ZNF800: variants seen among roughly 807,000 people sequenced by gnomAD.
ZNF800 encodes the protein zinc finger protein 800.
A neutral mutation model predicts 59.5 loss-of-function variants in ZNF800; 13 were observed. That is an observed-to-expected ratio of 0.22 (90% confidence interval 0.14 to 0.35). The LOEUF (loss-of-function observed/expected upper bound fraction) is 0.35. Among genes scored for constraint, ZNF800 ranks in the 10% least tolerant of loss-of-function variants. ZNF800 has a pLI of 1.00. For missense variants in ZNF800, 621 were observed against 783.7 expected, an observed-to-expected ratio of 0.79 and a Z score of 2.48; for synonymous variants, 266 against 265.7, an observed-to-expected ratio of 1.00 and a Z score of -0.01.
At chr7:127,368,872 T>C (rs989683147), downstream of ZNF800, among the ~76,000 whole-genome samples, 3 of 152,034 alleles carry the variant, frequency 2.0e-5, no homozygotes, top group Non-Finnish European at 4.4e-5. Flanking sequence ...CTAAAAAATC[T>C]GAAGGTACAT....
At chr7:127,344,065 A>G (rs1800016310), downstream of ZNF800, among the ~76,000 whole-genome samples, 1 of 152,060 alleles carries the variant, frequency 6.6e-6, no homozygotes, top group East Asian at 1.9e-4. Flanking sequence ...ATAAGGGCAA[A>G]GTTATTACCA....
chr7:127,343,980 A>G (rs909707824), downstream of ZNF800, among the ~76,000 whole-genome samples: 7 of 152,044 alleles, frequency 4.6e-5, no homozygotes, highest in Non-Finnish European at 8.8e-5. Flanking sequence ...TTAACATGAT[A>G]AAGACCTGTA....
intron 1 of ZNF800, among the ~76,000 whole-genome samples, chr7:127,348,850 T>C (rs905060832): frequency 2.6e-5 from 4 of 152,248 alleles, no homozygotes; most frequent in Non-Finnish European, 5.9e-5. Context: ...TTCAAATTTA[T>C]GAAAATCTTT....
chr7:127,384,221 T>G (rs1801062580), intron 3 of ZNF800, among the ~76,000 whole-genome samples: 1 of 138,320 alleles, frequency 7.2e-6, no homozygotes, highest in Non-Finnish European at 1.5e-5. Context: ...TAACTAATTC[T>G]AACTTCTTTT....
In ZNF800 at chr7:127,373,546, C is replaced by G; in HGVS notation, c.1790G>C (p.Ser597Thr). The G allele has an allele frequency of 6.2e-7, 1 of 1,614,118 alleles. No homozygotes were observed. The highest frequency in any genetic ancestry group is 8.5e-7 in the Non-Finnish European group (1 of 1,180,022). The change falls in exon 5 of 6, where the codon AGT becomes ACT. Residue 597 changes from serine (S) to threonine (T), a missense_variant. By Grantham distance (58) the Ser-to-Thr change is moderately conservative. Around this residue, in one of 7 missense-constraint regions of ZNF800, gnomAD observed 94 missense variants for 108.5 expected, o/e 0.87. Coordinates refer to ENST00000265827, the MANE Select transcript of ZNF800 (RefSeq NM_176814.5). ...GACGTCAGCTACTTCATACTTTTTA[C>G]TAGGAGAGTTAGAAGTGCCATCATG... is the stretch of plus-strand genomic sequence containing the variant. ...SKHDGTSNSP[S>T]KKYEVADVGI...
downstream of ZNF800, chr7:127,370,001 A>G (rs1217339951): frequency 6.6e-6 from 1 of 152,142 alleles, no homozygotes; most frequent in African/African-American, 2.4e-5. Flanking sequence ...TATCTTTGGA[A>G]TATGTCTTGT....
chr7:127,383,822 C>T (rs1801047600), intron 3 of ZNF800, among the ~76,000 whole-genome samples: 1 of 152,150 alleles, frequency 6.6e-6, no homozygotes, highest in South Asian at 2.1e-4. Flanking sequence ...TCACCTCTAA[C>T]TTAAACTGTT....
intron 1 of ZNF800, chr7:127,361,346 G>A (rs931863201): frequency 2.0e-5 from 3 of 152,180 alleles, no homozygotes; most frequent in African/African-American, 2.4e-5. Flanking sequence ...GTGAAGCCAA[G>A]TCAGGAGGAT....
rs1465094765 is a variant in ZNF800, at chr7:127,374,755, G to T, written c.581C>A (p.Pro194His). Residue 194 changes from proline (P) to histidine (H), a missense_variant, in exon 5 of 6, where the codon CCT (proline) becomes CAT (histidine). By Grantham distance (77) the Pro-to-His change is moderately conservative (BLOSUM62 -2). This residue lies in a region of ZNF800 where 218 missense variants were observed against 230.8 expected (regional missense o/e 0.94). Coordinates refer to ENST00000265827, the MANE Select transcript of ZNF800 (RefSeq NM_176814.5). ...TDTEVETVEPPPVEIVTDEVA... is the reference protein window; with the variant it reads ...TDTEVETVEPHPVEIVTDEVA... ...TTCATCTGTAACAATCTCAACAGGA[G>T]GGGGCTCTACAGTTTCCACCTCTGT... is the stretch of plus-strand genomic sequence containing the variant. The T allele has an allele frequency of 6.2e-7, 1 of 1,613,956 alleles. No individual in the cohort carries two copies. Among genetic ancestry groups the T allele is most frequent in the Non-Finnish European group, 8.5e-7 (1 of 1,179,908 alleles).
In ZNF800 at chr7:127,358,930, C is replaced by CA. The variant is rs544138552; in HGVS notation, n.225-10888dup. On this transcript the variant is annotated intron_variant and non_coding_transcript_variant, in intron 1 of 1. Transcript: ENST00000485577. The stretch of plus-strand genomic sequence containing the variant: ...ACTTTTGATACTGAACAAGCTCTGC[C>CA]AAAAAAATTGTTTAATTTGCTTATT... Among the ~76,000 whole-genome samples, 207 of 152,052 alleles carry CA rather than the reference C, an allele frequency of 1.4e-3. 1 individual carries two copies. Among genetic ancestry groups the CA allele is most frequent in the African/African-American group, 4.5e-3 (185 of 41,492 alleles).
chr7:127,392,342 C>T lies in ZNF800; in HGVS notation c.-341G>A. The T allele has an allele frequency of 2.6e-6, 1 of 383,238 alleles. No homozygotes were observed. The highest frequency in any genetic ancestry group is 4.5e-5 in the Admixed American group (1 of 22,208). 23.7% of individuals were successfully genotyped at this position (383,238 alleles called of 1,614,324 possible). On this transcript the variant is annotated 5_prime_UTR_variant, in exon 1 of 6. Transcript: ENST00000265827. ...TGTGGCTAGGCGGGAGGCGCGCGGG[C>T]GGAGGCAGTTGACAGGAGGAACCGC...
chr7:127,372,581 A>C lies in ZNF800; in HGVS notation c.1994+761T>G. On this transcript the variant is annotated intron_variant, in intron 5 of 5. Transcript: ENST00000265827. ...AAAAAACAAATCCCTAGTTAATAAT[A>C]TTAACTATGTTAAAATGATCACCAA... is the stretch of plus-strand genomic sequence containing the variant. 3.1e-6 allele frequency: 3 copies of C among 973,828 alleles called. No homozygotes were observed. In the South Asian group the frequency reaches 1.4e-4, roughly 46 times the overall value. 60.3% of individuals were successfully genotyped at this position (973,828 alleles called of 1,614,324 possible). A position where few individuals can be genotyped will look rare whatever the true frequency, so the allele number is the denominator to read the frequency against.
chr7:127,391,417 AG>A, intron 2 of ZNF800, 79 bp downstream of exon 2: 1 of 1,356,508 alleles, frequency 7.4e-7, no homozygotes, highest in African/African-American at 1.4e-5. Context: ...CTGGGGCAGG[AG>A]GAAAAAAAGC....
intron 1 of ZNF800, chr7:127,361,033 A>C (rs6467122): frequency 0.67 from 102,099 of 151,984 alleles, 35,146 homozygotes; most frequent in East Asian, 0.88. Flanking sequence ...CAAGGACGGA[A>C]ACAGCCCTGC....
chr7:127,381,716 A>G lies in ZNF800; in HGVS notation c.157+4344T>C, dbSNP rs188435652. Among the ~76,000 whole-genome samples the G allele has an allele frequency of 2.6e-5, 4 of 152,164 alleles. No individual in the cohort carries two copies. In the East Asian group the frequency reaches 5.8e-4, roughly 22 times the overall value. ...TTTGAATATGAATGTAAGGAAAACA[A>G]ATCTACTTTTTTCTTATAAAAAAAA... On this transcript the variant is annotated intron_variant, in intron 3 of 5. Transcript: ENST00000265827.
chr7:127,374,723 G>C lies in ZNF800; in HGVS notation c.613C>G (p.Pro205Ala). ...PVEIVTDEVA[P>A]TSDEQPQESQ... ...TCCTGAGGTTGTTCATCAGATGTAG[G>C]TGCAACTTCATCTGTAACAATCTCA... The change falls in exon 5 of 6, where the codon CCT becomes GCT. Residue 205 changes from proline to alanine, a missense_variant. This residue lies in a region of ZNF800 where 218 missense variants were observed against 230.8 expected (regional missense o/e 0.94). Coordinates refer to ENST00000265827, the MANE Select transcript of ZNF800 (RefSeq NM_176814.5). 1.2e-6 allele frequency: 2 copies of C among 1,613,992 alleles called. No individual in the cohort carries two copies. Among genetic ancestry groups the C allele is most frequent in the Non-Finnish European group, 1.7e-6 (2 of 1,179,944 alleles).
At position 127,373,569 on chromosome 7, in the gene ZNF800, A is replaced by G. The variant is rs2117103393; in HGVS notation, c.1767T>C (p.His589=). Residue 589 remains histidine, a synonymous_variant, in exon 5 of 6, where the codon CAT becomes CAC. Coordinates refer to ENST00000265827, the MANE Select transcript of ZNF800 (RefSeq NM_176814.5). ...RDEAKHSDSK[H]DGTSNSPSKK... is the part of the protein sequence containing the mutation. ...TACTAGGAGAGTTAGAAGTGCCATC[A>G]TGTTTTGAATCACTATGTTTTGCTT... 1 of 1,614,160 alleles carries G rather than the reference A, an allele frequency of 6.2e-7. No homozygotes were observed.
chr7:127,356,199 C>A (rs746995809), intron 1 of ZNF800, among the ~76,000 whole-genome samples: 1 of 151,542 alleles, frequency 6.6e-6, no homozygotes, highest in African/African-American at 2.4e-5. Context: ...TAACTTCTGG[C>A]AAAATACACA....
At chr7:127,387,915 A>AGAAC (rs1452893153) in intron 2 of ZNF800, among the ~76,000 whole-genome samples, 1 of 107,970 alleles carries the variant, frequency 9.3e-6, no homozygotes, top group African/African-American at 4.2e-5. Context: ...AGATTAATTA[A>AGAAC]GAACACACAC....
Sources: gnomAD v4.1 joint callset for allele counts (sites outside exome capture counted in the v4.1 genomes callset) on GRCh38, gnomAD v4.1.1 for gene constraint, gnomAD v4.1.1 regional missense constraint, MANE v1.5 for transcripts, NCBI Gene and HGNC (gene_info 2026-07-23, HGNC 2026-07-21) for gene names.